SMG1: variants seen among roughly 807,000 people sequenced by gnomAD.
SMG1 encodes serine/threonine-protein kinase SMG1.
SMG1 carries 22 observed loss-of-function variants against 419.9 expected under a neutral mutation model. The observed-to-expected ratio is 0.05, with a 90% CI of 0.04 to 0.07. The LOEUF is 0.07. Among genes scored for constraint, SMG1 ranks in the 10% least tolerant of loss-of-function variants. The pLI, the probability that SMG1 is intolerant of heterozygous loss-of-function variation, is 1.00. For missense variants in SMG1, 3,185 were observed against 4,342.0 expected, an observed-to-expected ratio of 0.73 and a Z score of 7.49; for synonymous variants, 1,538 against 1,553.5, an observed-to-expected ratio of 0.99 and a Z score of 0.23.
At position 18,909,593 on chromosome 16, in the gene SMG1, A is replaced by T. The variant is rs553312041; in HGVS notation, c.93-12637T>A. Among the ~76,000 whole-genome samples the T allele has an allele frequency of 4.3e-4, 66 of 152,346 alleles. 1 individual carries two copies. The highest frequency in any genetic ancestry group is 3.7e-3 in the Admixed American group (56 of 15,294). Reference sequence around the variant, plus strand: ...CTCCAACTCTAAAAGAAAATGAAATAAAAAATTTTAAACGTCAATTTAATT... The same window carrying T: ...CTCCAACTCTAAAAGAAAATGAAATTAAAAATTTTAAACGTCAATTTAATT... On this transcript the variant is annotated intron_variant, in intron 1 of 62. Coordinates refer to ENST00000446231, the MANE Select transcript of SMG1 (RefSeq NM_015092.5).
Position 18,817,185 on chromosome 16 carries a change from C to T in SMG1, c.10074+106G>A, listed in dbSNP as rs576176601. 4.0e-5 allele frequency: 31 copies of T among 782,058 alleles called. 1 individual carries two copies. The South Asian group carries it at 1.2e-3, about 31-fold the overall frequency. The allele number at this position is 782,058 out of a possible 1,614,324, so 48.4% of individuals were successfully genotyped here. A position where few individuals can be genotyped will look rare whatever the true frequency, so the allele number is the denominator to read the frequency against. The stretch of plus-strand genomic sequence containing the variant: ...CCCCCGCCCCCCTAACAACCTCTTA[C>T]ATACAGTATATGCTCAACGAATGTA... On this transcript the variant is annotated intron_variant, in intron 57 of 62. Coordinates refer to ENST00000446231, the MANE Select transcript of SMG1 (RefSeq NM_015092.5).
chr16:18,840,543 T>C (rs555478199), intron 41 of SMG1, among the ~76,000 whole-genome samples: 2 of 152,310 alleles, frequency 1.3e-5, no homozygotes, highest in East Asian at 1.9e-4. Flanking sequence ...GTATAAAATT[T>C]ATCTCAATAT....
At chr16:18,832,902 T>G (rs1487265926) in intron 51 of SMG1, 38 bp downstream of exon 51, 2 of 1,565,738 alleles carry the variant, frequency 1.3e-6, no homozygotes, top group Non-Finnish European at 1.8e-6. Context: ...CTGTCCCATC[T>G]CTTTTACAAG....
In SMG1 at chr16:18,838,338, A is replaced by C; in HGVS notation, c.7194+19T>G. The C allele has an allele frequency of 6.2e-7, 1 of 1,604,928 alleles. No homozygotes were observed. The highest frequency in any genetic ancestry group is 8.5e-7 in the Non-Finnish European group (1 of 1,174,458). On this transcript the variant is annotated intron_variant, in intron 44 of 62. Coordinates refer to ENST00000446231, the MANE Select transcript of SMG1 (RefSeq NM_015092.5). ...TCATTTAACAAATACACTAAAAGGG[A>C]GAAGAGAAAACAGCATACCTGCTCA...
chr16:18,913,617 C>A (rs1335376053), intron 1 of SMG1, among the ~76,000 whole-genome samples: 1 of 151,810 alleles, frequency 6.6e-6, no homozygotes, highest in Admixed American at 6.6e-5. Context: ...ATATTAGATG[C>A]CATCCAAAAA....
At chr16:18,873,533 AC>A (rs2035940142) in intron 13 of SMG1, among the ~76,000 whole-genome samples, 8 of 152,196 alleles carry the variant, frequency 5.3e-5, no homozygotes, top group Admixed American at 5.2e-4. Flanking sequence ...AACTTTCTTT[AC>A]AAAAACAGGC....
In SMG1 at chr16:18,815,217, T is replaced by C; in HGVS notation, c.10579A>G (p.Ser3527Gly). The C allele has an allele frequency of 6.3e-7, 1 of 1,596,924 alleles. No homozygotes were observed. Among genetic ancestry groups the C allele is most frequent in the Non-Finnish European group, 8.5e-7 (1 of 1,171,200 alleles). The change falls in exon 60 of 63, where the codon AGT becomes GGT. Residue 3527 changes from serine (S) to glycine (G), a missense_variant. Ser to Gly is a moderately conservative substitution (Grantham distance 56). Coordinates refer to ENST00000446231, the MANE Select transcript of SMG1 (RefSeq NM_015092.5). ...LVTDATNECS[S>G]PTSSATYQPS... ...TGATAAGTAGCAGATGACGTTGGAC[T>C]CGAACATTCATTTGTTGCATCGGTG...
At chr16:18,809,674 A>C (rs1437538861) in intron 62 of SMG1, 28 bp from the exon 63 acceptor site, 1 of 1,520,208 alleles carries the variant, frequency 6.6e-7, no homozygotes, top group South Asian at 1.2e-5. Context: ...ATAGTATGTA[A>C]AGTCATTTAA....
chr16:18,916,863 GGATTTGTTTTAGGC>G (rs1433626764), intron 1 of SMG1, among the ~76,000 whole-genome samples: 29 of 151,994 alleles, frequency 1.9e-4, no homozygotes, highest in Non-Finnish European at 3.1e-4. Flanking sequence ...GGAGCCTCAG[GGATTTGTTTTAGGC>G]GATTAGGATA....
At chr16:18,832,018 T>A (rs1189868131) in intron 51 of SMG1, among the ~76,000 whole-genome samples, 1 of 152,076 alleles carries the variant, frequency 6.6e-6, no homozygotes, top group Non-Finnish European at 1.5e-5. Context: ...TGAAAAAATA[T>A]TTGCTTCTAA....
Position 18,807,224 on chromosome 16 carries a change from A to G in SMG1, c.*2345T>C, listed in dbSNP as rs544671958. The G allele has an allele frequency of 6.6e-6, 1 of 152,316 alleles. No homozygotes were observed. Among genetic ancestry groups the G allele is most frequent in the Admixed American group, 6.5e-5 (1 of 15,306 alleles). 9.4% of individuals were successfully genotyped at this position (152,316 alleles called of 1,614,324 possible). A position where few individuals can be genotyped will look rare whatever the true frequency, so the allele number is the denominator to read the frequency against. ...AAAGAGAAAGCAATTTCTGAATACTATCTATAGTGCTAAACTAATGTGAAC... is the reference window on the plus strand; with the variant it reads ...AAAGAGAAAGCAATTTCTGAATACTGTCTATAGTGCTAAACTAATGTGAAC... On this transcript the variant is annotated 3_prime_UTR_variant, in exon 63 of 63. Coordinates refer to ENST00000446231, the MANE Select transcript of SMG1 (RefSeq NM_015092.5).
At chr16:18,908,825 A>G (rs968912690) in intron 1 of SMG1, among the ~76,000 whole-genome samples, 7 of 151,626 alleles carry the variant, frequency 4.6e-5, no homozygotes, top group Admixed American at 2.0e-4. Context: ...GCATGCAGTA[A>G]GCTGAGATCA....
At chr16:18,873,297 C>T (rs1012307401) in intron 13 of SMG1, among the ~76,000 whole-genome samples, 3 of 152,146 alleles carry the variant, frequency 2.0e-5, no homozygotes, top group African/African-American at 4.8e-5. Flanking sequence ...TGGCTCACTG[C>T]AACCTCCACC....
At chr16:18,871,548 C>G (rs1479798776) in intron 15 of SMG1, 66 bp from the exon 16 acceptor site, 4 of 707,042 alleles carry the variant, frequency 5.7e-6, no homozygotes, top group Non-Finnish European at 9.0e-6. Flanking sequence ...CATTAAAAGC[C>G]TAGTCTTCTT....
chr16:18,837,160 G>T, intron 46 of SMG1, 93 bp downstream of exon 46: 3 of 1,162,556 alleles, frequency 2.6e-6, no homozygotes, highest in South Asian at 1.9e-5. Flanking sequence ...TATGTGATTT[G>T]TTACAATAAT....
intron 1 of SMG1, among the ~76,000 whole-genome samples, chr16:18,919,338 T>G (rs1401922948): frequency 6.8e-6 from 1 of 147,172 alleles, no homozygotes; most frequent in Non-Finnish European, 1.5e-5. Context: ...AAAAAAAAAA[T>G]TTATGACCGG....
chr16:18,914,621 T>C (rs2037902977), intron 1 of SMG1, among the ~76,000 whole-genome samples: 1 of 152,002 alleles, frequency 6.6e-6, no homozygotes, highest in Non-Finnish European at 1.5e-5. Flanking sequence ...GCGGCAGAGT[T>C]TGCAGTGAGC....
At position 18,832,966 on chromosome 16, in the gene SMG1, T is replaced by A. The variant is rs777949045; in HGVS notation, c.8766A>T (p.Thr2922=). ...TGGCAACATCGATGTAATGAGCATGTGTTTCTTCTTCCAGTCCCATAGCTG... is the reference window on the plus strand; with the variant it reads ...TGGCAACATCGATGTAATGAGCATGAGTTTCTTCTTCCAGTCCCATAGCTG... ...RNAAMGLEEE[T]HAHYIDVARL... is the part of the protein sequence containing the mutation. The change falls in exon 51 of 63, where the codon ACA becomes ACT. Residue 2922 remains threonine (T), a synonymous_variant. Coordinates refer to ENST00000446231, the MANE Select transcript of SMG1 (RefSeq NM_015092.5). 1 of 1,613,972 alleles carries A rather than the reference T, an allele frequency of 6.2e-7. No individual in the cohort carries two copies. The highest frequency in any genetic ancestry group is 8.5e-7 in the Non-Finnish European group (1 of 1,179,870).
At position 18,819,547 on chromosome 16, in the gene SMG1, A is replaced by G; in HGVS notation, c.9849T>C (p.Ala3283=). 1 of 1,607,900 alleles carries G rather than the reference A, an allele frequency of 6.2e-7. No individual in the cohort carries two copies. The highest frequency in any genetic ancestry group is 8.5e-7 in the Non-Finnish European group (1 of 1,176,898). The change falls in exon 56 of 63, where the codon GCT becomes GCC. Residue 3283 remains alanine, a synonymous_variant. Transcript: ENST00000446231. ...CTTTAAGGACAAGATTTCTTCTTTC[A>G]GCTATCGTTGCTTCAAAATCTTGTA... ...PVLQDFEATI[A]ERRNLVLKES...
Sources: allele counts gnomAD v4.1 joint callset (sites outside exome capture counted in the v4.1 genomes callset), GRCh38; gene constraint gnomAD v4.1.1; transcripts MANE v1.5; gene names NCBI Gene and HGNC (gene_info 2026-07-23, HGNC 2026-07-21).